PSMD9: variants seen among roughly 807,000 people sequenced by gnomAD.
PSMD9 encodes the protein proteasome 26S subunit, non-ATPase 9.
Under a neutral mutation model 25.9 loss-of-function variants are expected in PSMD9, and 26 were observed. The ratio of observed to expected loss-of-function variants is 1.00; its 90% CI spans 0.73 to 1.39. The LOEUF is 1.39. Among genes scored for constraint, PSMD9 ranks in the 40% most tolerant of loss-of-function variants. The pLI, the probability that PSMD9 is intolerant of heterozygous loss-of-function variation, is 0.00. For missense variants in PSMD9, 303 were observed against 299.3 expected (o/e 1.01, Z -0.09); for synonymous variants, 110 against 114.5 (o/e 0.96, Z 0.25).
At chr12:121,895,212 A>AT (rs1013013258) in intron 2 of PSMD9, among the ~76,000 whole-genome samples, 9 of 151,698 alleles carry the variant, frequency 5.9e-5, no homozygotes, top group African/African-American at 1.9e-4. Context: ...TGCCTGGCTA[A>AT]TTTTTTTTAG....
chr12:121,902,914 A>C, intron 3 of PSMD9, 92 bp from the exon 4 acceptor site: 1 of 1,013,562 alleles, frequency 9.9e-7, no homozygotes, highest in African/African-American at 1.6e-5. Flanking sequence ...CAAGCTCGTG[A>C]CCTTGGCATT....
chr12:121,890,534 C>T (rs1879038744), intron 1 of PSMD9, among the ~76,000 whole-genome samples: 1 of 152,114 alleles, frequency 6.6e-6, no homozygotes, highest in South Asian at 2.1e-4. Context: ...GTGGCACCAT[C>T]TTGGTTCACT....
In PSMD9 at chr12:121,888,914, G is replaced by A. The variant is rs1878969791; in HGVS notation, c.58G>A (p.Val20Ile). The change falls in exon 1 of 6, where the codon GTC becomes ATC. Residue 20 changes from valine to isoleucine, a missense_variant. Physicochemically the swap from Val to Ile is conservative, Grantham distance 29. Transcript: ENST00000541212. ...CTCCTCGCAGGCCGGCGTCGTGACT[G>A]TCAGCGACGTCCAGGAGCTGATGCG... ...GGSSQAGVVT[V>I]SDVQELMRRK... 1 of 1,596,436 alleles carries A rather than the reference G, an allele frequency of 6.3e-7. No individual in the cohort carries two copies. Among genetic ancestry groups the A allele is most frequent in the Non-Finnish European group, 8.5e-7 (1 of 1,172,318 alleles).
intron 3 of PSMD9, chr12:121,902,631 CTGAATAAAA>C: frequency 1.4e-5 from 3 of 211,242 alleles, no homozygotes; most frequent in Non-Finnish European, 2.9e-5. Context: ...ATGTTGATCA[CTGAATAAAA>C]TGGGCCCAGC....
intron 4 of PSMD9, among the ~76,000 whole-genome samples, chr12:121,903,664 G>A (rs978922082): frequency 1.3e-5 from 2 of 151,916 alleles, no homozygotes; most frequent in South Asian, 4.2e-4. Flanking sequence ...ATGCTCGCAG[G>A]GGGCCTTTCC....
intron 2 of PSMD9, chr12:121,898,541 A>AC (rs1011301524): frequency 6.3e-5 from 9 of 143,954 alleles, no homozygotes; most frequent in African/African-American, 2.3e-4. Flanking sequence ...CTTATGCAGC[A>AC]CTTTTTTTTT....
Position 121,899,818 on chromosome 12 carries a change from C to T in PSMD9, c.426C>T (p.Ile142=). ...GGGCCTTCGCCAAAGTGAACAGCAT[C>T]AGCCCCGGCTCCCCAGCCAGCATCG... The part of the protein sequence containing the change: ...PPRAFAKVNS[I]SPGSPASIAG... Residue 142 remains isoleucine (I), a synonymous_variant, in exon 3 of 6, where the codon ATC becomes ATT. Coordinates refer to ENST00000541212, the MANE Select transcript of PSMD9 (RefSeq NM_002813.7). 1 of 1,614,032 alleles carries T rather than the reference C, an allele frequency of 6.2e-7. No individual in the cohort carries two copies. Among genetic ancestry groups the T allele is most frequent in the Non-Finnish European group, 8.5e-7 (1 of 1,179,912 alleles).
chr12:121,914,469 G>C (rs1007336158), intron 4 of PSMD9: 1 of 152,238 alleles, frequency 6.6e-6, no homozygotes, highest in South Asian at 2.1e-4. Context: ...AGAATTGCTT[G>C]AACCGGGGAG....
At chr12:121,910,083 C>CTTTTTTTTTTT (rs34940246) in intron 4 of PSMD9, among the ~76,000 whole-genome samples, 5 of 95,562 alleles carry the variant, frequency 5.2e-5, no homozygotes, top group Admixed American at 1.4e-4. Context: ...TAGGAAATGA[C>CTTTTTTTTTTT]TTTTTTTTTT....
At chr12:121,892,752 C>T (rs779415067) in intron 1 of PSMD9, among the ~76,000 whole-genome samples, 3 of 151,854 alleles carry the variant, frequency 2.0e-5, no homozygotes, top group Non-Finnish European at 4.4e-5. Context: ...TGACATGTGC[C>T]TGTGGTCCCA....
intron 4 of PSMD9, chr12:121,915,199 C>G (rs1042971483): frequency 6.6e-6 from 1 of 151,840 alleles, no homozygotes; most frequent in African/African-American, 2.4e-5. Flanking sequence ...GTGGCGGGCA[C>G]CTGTAGTCCC....
intron 4 of PSMD9, chr12:121,915,605 C>T: frequency 2.0e-6 from 1 of 496,124 alleles, no homozygotes; most frequent in Non-Finnish European, 3.6e-6. Context: ...GTACTATGTA[C>T]CTTGGATGTA....
In PSMD9 at chr12:121,888,996, T is replaced by C. The variant is rs2137670792; in HGVS notation, c.138+2T>C. 6.3e-7 allele frequency: 1 copy of C among 1,582,304 alleles called. No homozygotes were observed. The highest frequency in any genetic ancestry group is 2.3e-5 in the East Asian group (1 of 43,928). On this transcript the variant is annotated splice_donor_variant, in intron 1 of 5. Coordinates refer to ENST00000541212, the MANE Select transcript of PSMD9 (RefSeq NM_002813.7). LOFTEE classifies it high-confidence loss of function. ...GCCAACTATGACGTGCTGGAAAGCGTGAGTGTGGGTTCGGGGCGCCCCAAG... is the reference window on the plus strand; with the variant it reads ...GCCAACTATGACGTGCTGGAAAGCGCGAGTGTGGGTTCGGGGCGCCCCAAG...
chr12:121,895,052 C>CT lies in PSMD9; in HGVS notation c.241+221dup, dbSNP rs924593936. On this transcript the variant is annotated intron_variant, in intron 2 of 5. Coordinates refer to ENST00000541212, the MANE Select transcript of PSMD9 (RefSeq NM_002813.7). ...TCATTTTCTCTCTCTCTCTCTCTCTCTTTTTTTTTTGAGTCAGGGTCTTGC... is the reference window on the plus strand; with the variant it reads ...TCATTTTCTCTCTCTCTCTCTCTCTCTTTTTTTTTTTGAGTCAGGGTCTTGC... Among the ~76,000 whole-genome samples, 48 of 148,522 alleles carry CT rather than the reference C, an allele frequency of 3.2e-4. 1 individual carries two copies. Among genetic ancestry groups the CT allele is most frequent in the Middle Eastern group, 3.5e-3 (1 of 284 alleles).
intron 2 of PSMD9, chr12:121,898,184 G>T (rs1050840229): frequency 6.6e-6 from 1 of 152,160 alleles, no homozygotes; most frequent in Admixed American, 6.6e-5. Context: ...CATGACTGAG[G>T]GTCTTGCCTT....
chr12:121,892,077 G>A (rs551437596), intron 1 of PSMD9, among the ~76,000 whole-genome samples: 2 of 152,038 alleles, frequency 1.3e-5, no homozygotes, highest in Non-Finnish European at 2.9e-5. Context: ...TTAAAACTGT[G>A]TTTCAAAGGG....
chr12:121,912,780 C>G (rs1273533935), intron 4 of PSMD9, among the ~76,000 whole-genome samples: 1 of 147,914 alleles, frequency 6.8e-6, no homozygotes, highest in South Asian at 2.2e-4. Context: ...GCAGGAGAAT[C>G]GCTTGAGCCC....
At chr12:121,893,798 A>T (rs914291616) in intron 1 of PSMD9, 1 of 152,164 alleles carries the variant, frequency 6.6e-6, no homozygotes, top group Non-Finnish European at 1.5e-5. Flanking sequence ...ACTCTTTTTC[A>T]AATAAAGTCA....
chr12:121,911,503 G>C (rs893557902), intron 4 of PSMD9, among the ~76,000 whole-genome samples: 3 of 152,056 alleles, frequency 2.0e-5, no homozygotes, highest in African/African-American at 7.2e-5. Flanking sequence ...CCACCTTTTT[G>C]TTGTGAACAA....
Sources: gnomAD v4.1 joint callset for allele counts (sites outside exome capture counted in the v4.1 genomes callset) on GRCh38, gnomAD v4.1.1 for gene constraint, MANE v1.5 for transcripts, NCBI Gene and HGNC (gene_info 2026-07-23, HGNC 2026-07-21) for gene names.